The following COL11A2 variants were observed in gnomAD, a reference collection of about 807,000 sequenced individuals.
COL11A2 encodes the protein collagen type XI alpha 2 chain.
Under a neutral mutation model 273.4 loss-of-function variants are expected in COL11A2, and 116 were observed. The observed-to-expected ratio is 0.42, with a 90% CI of 0.36 to 0.49. The LOEUF (loss-of-function observed/expected upper bound fraction) is 0.49, where lower values mean the gene tolerates loss of function less well. Ranked by LOEUF, COL11A2 falls within the 20% of genes least tolerant of loss-of-function variation. The pLI, the probability that COL11A2 is intolerant of heterozygous loss-of-function variation, is 0.00. For missense variants in COL11A2, 1,866 were observed against 2,309.0 expected (o/e 0.81, Z 3.93); for synonymous variants, 782 against 864.2 (o/e 0.90, Z 1.67).
intron 53 of COL11A2, 30 bp downstream of exon 53, chr6:33,168,675 CA>C: frequency 1.3e-6 from 2 of 1,590,264 alleles, no homozygotes; most frequent in African/African-American, 1.3e-5. Context: ...GGCTTGGGCT[CA>C]GGGGGGTGGT....
Position 33,190,025 on chromosome 6 carries a change from G to C in COL11A2, c.83-556C>G, listed in dbSNP as rs1772927743. ...GATCATCCTGGACACAGGAGGTGCAGGGGGGCCACGAGGAAGAGATCAGAG... is the reference window on the plus strand; with the variant it reads ...GATCATCCTGGACACAGGAGGTGCACGGGGGCCACGAGGAAGAGATCAGAG... On this transcript the variant is annotated intron_variant, in intron 1 of 65. Transcript: ENST00000341947. The surrounding 1 kb of genome is among the most constrained non-coding windows in gnomAD (Gnocchi z 4.5). Among the ~76,000 whole-genome samples, 1 of 152,178 alleles carries C rather than the reference G, an allele frequency of 6.6e-6. No individual in the cohort carries two copies. Among genetic ancestry groups the C allele is most frequent in the African/African-American group, 2.4e-5 (1 of 41,434 alleles).
chr6:33,173,771 G>C lies in COL11A2; in HGVS notation c.2584-26C>G, dbSNP rs765644840. ...CTGTGGGGGGAAACAGAGTCAAGGA[G>C]TGGGAAGAGCTGCTTTCCAGCTGTC... On this transcript the variant is annotated intron_variant, in intron 34 of 65. Transcript: ENST00000341947. The surrounding 1 kb of genome is among the most constrained non-coding windows in gnomAD (Gnocchi z 6.3). 7 of 1,605,662 alleles carry C rather than the reference G, an allele frequency of 4.4e-6. No homozygotes were observed. In the South Asian group the frequency reaches 6.6e-5, roughly 15 times the overall value.
At position 33,189,855 on chromosome 6, in the gene COL11A2, G is replaced by A. The variant is rs1286724573; in HGVS notation, c.83-386C>T. Among the ~76,000 whole-genome samples, 1 of 151,962 alleles carries A rather than the reference G, an allele frequency of 6.6e-6. No homozygotes were observed. The highest frequency in any genetic ancestry group is 2.4e-5 in the African/African-American group (1 of 41,330). On this transcript the variant is annotated intron_variant, in intron 1 of 65. Coordinates refer to ENST00000341947, the MANE Select transcript of COL11A2 (RefSeq NM_080680.3). This position sits in a 1 kb window ranked among gnomAD's most constrained non-coding sequence, Gnocchi z 5.6. ...TCTGTCTCTTTATGTTGGTCTTTCTGTCTCTGTCTCTTCTGTCTTCCTCCA... is the reference window on the plus strand; with the variant it reads ...TCTGTCTCTTTATGTTGGTCTTTCTATCTCTGTCTCTTCTGTCTTCCTCCA...
chr6:33,175,763 C>A lies in COL11A2; in HGVS notation c.2269-82G>T, dbSNP rs866999331. ...AGAGGAGAAATGGGCAACAGTGAGG[C>A]TGAGGAGGGCTAGAGGGGTCCCAGG... is the stretch of plus-strand genomic sequence containing the variant. On this transcript the variant is annotated intron_variant, in intron 29 of 65. Transcript: ENST00000341947. The A allele has an allele frequency of 2.2e-6, 3 of 1,365,310 alleles. No homozygotes were observed. The African/African-American group carries it at 4.3e-5, about 19-fold the overall frequency. The allele number at this position is 1,365,310 out of a possible 1,614,324, so 84.6% of individuals were successfully genotyped here. A position where few individuals can be genotyped will look rare whatever the true frequency, so the allele number is the denominator to read the frequency against.
At chr6:33,193,025 C>G (rs371060631), upstream of COL11A2, among the ~76,000 whole-genome samples, 5 of 152,054 alleles carry the variant, frequency 3.3e-5, no homozygotes, top group Non-Finnish European at 5.9e-5. Flanking sequence ...TGGGACCCAC[C>G]GACAAACACA....
rs1366893209 is a variant in COL11A2 at position 33,192,204 on chromosome 6, G to A, written c.37C>T (p.Leu13Phe). The A allele has an allele frequency of 5.1e-6, 8 of 1,566,540 alleles. No homozygotes were observed. Among genetic ancestry groups the A allele is most frequent in the Non-Finnish European group, 6.9e-6 (8 of 1,155,700 alleles). Reference protein sequence around the residue: ...RCSRCHRLLLLLPLVLGLSAA... With the variant: ...RCSRCHRLLLFLPLVLGLSAA... Reference sequence around the variant, plus strand: ...CTCAGCCCCAGCACCAGAGGTAGGAGGAGGAGGAGGCGATGGCAGCGGCTG... The same window carrying A: ...CTCAGCCCCAGCACCAGAGGTAGGAAGAGGAGGAGGCGATGGCAGCGGCTG... The change falls in exon 1 of 66, where the codon CTC becomes TTC. Residue 13 changes from leucine to phenylalanine, a missense_variant. By Grantham distance (22) the Leu-to-Phe change is conservative (BLOSUM62 0). Coordinates refer to ENST00000341947, the MANE Select transcript of COL11A2 (RefSeq NM_080680.3).
Position 33,179,313 on chromosome 6 carries a change from AG to A in COL11A2, c.1504-30del. On this transcript the variant is annotated intron_variant, in intron 14 of 65. Coordinates refer to ENST00000341947, the MANE Select transcript of COL11A2 (RefSeq NM_080680.3). This position sits in a 1 kb window ranked among gnomAD's most constrained non-coding sequence, Gnocchi z 6.4. ...GGAGAGAGAAGAGAGGATGGCCGTA[AG>A]GAAGGACACAGCCAACAGTGGCCTC... is the stretch of plus-strand genomic sequence containing the variant. The A allele has an allele frequency of 6.2e-7, 1 of 1,603,268 alleles. No homozygotes were observed. Among genetic ancestry groups the A allele is most frequent in the Non-Finnish European group, 8.5e-7 (1 of 1,175,988 alleles).
Position 33,164,346 on chromosome 6 carries a change from A to G in COL11A2, c.4991T>C (p.Leu1664Pro), listed in dbSNP as rs935573544. The G allele has an allele frequency of 1.6e-5, 26 of 1,612,710 alleles. No individual in the cohort carries two copies. The highest frequency in any genetic ancestry group is 2.2e-5 in the Non-Finnish European group (26 of 1,179,932). Residue 1664 changes from leucine to proline, a missense_variant, in exon 65 of 66, where the codon CTG (leucine) becomes CCG (proline). Coordinates refer to ENST00000341947, the MANE Select transcript of COL11A2 (RefSeq NM_080680.3). This position sits in a 1 kb window ranked among gnomAD's most constrained non-coding sequence, Gnocchi z 4.7. ...ATCCTCATTGGCCCCACGGAGTCTC[A>G]GGGGACCGTCACGGGCTGCTCCAGA... Reference protein sequence around the residue: ...PCSGAARDGPLRLRGANEDEL... With the variant: ...PCSGAARDGPPRLRGANEDEL...
At chr6:33,175,983 C>T (rs141252722) in intron 29 of COL11A2, 33 bp downstream of exon 29, 175 of 1,612,270 alleles carry the variant, frequency 1.1e-4, no homozygotes, top group African/African-American at 2.1e-4. Context: ...CAGTAGAACA[C>T]GGAATTGGGG....
intron 38 of COL11A2, 131 bp from the exon 39 acceptor site, chr6:33,172,768 TC>T: frequency 1.2e-6 from 1 of 856,578 alleles, no homozygotes. Flanking sequence ...CCTGGGAAAT[TC>T]CCCGGCATTC....
chr6:33,188,233 G>C (rs1170138161), intron 4 of COL11A2, 129 bp downstream of exon 4: 1 of 1,144,040 alleles, frequency 8.7e-7, no homozygotes, highest in Non-Finnish European at 1.3e-6. Context: ...ATAGAAAATA[G>C]AAATGAAAAT....
In COL11A2 at chr6:33,169,765, A is replaced by G. The variant is rs1001957820; in HGVS notation, c.3690+66T>C. The G allele has an allele frequency of 1.1e-5, 18 of 1,597,260 alleles. No individual in the cohort carries two copies. In the African/African-American group the frequency reaches 1.7e-4, roughly 15 times the overall value. ...GTTCCAGCTCAAGGAGGTCACAGGA[A>G]AAGTGGAGGCAGGGTTGAGGCGGGT... On this transcript the variant is annotated intron_variant, in intron 50 of 65. Coordinates refer to ENST00000341947, the MANE Select transcript of COL11A2 (RefSeq NM_080680.3). This position sits in a 1 kb window ranked among gnomAD's most constrained non-coding sequence, Gnocchi z 5.5.
chr6:33,163,503 G>C lies in COL11A2; in HGVS notation c.*175C>G. 1.1e-6 allele frequency: 1 copy of C among 879,962 alleles called. No homozygotes were observed. Among genetic ancestry groups the C allele is most frequent in the East Asian group, 2.6e-5 (1 of 38,404 alleles). The allele number at this position is 879,962 out of a possible 1,614,324, so 54.5% of individuals were successfully genotyped here. On this transcript the variant is annotated 3_prime_UTR_variant, in exon 66 of 66. Coordinates refer to ENST00000341947, the MANE Select transcript of COL11A2 (RefSeq NM_080680.3). The surrounding 1 kb of genome is among the most constrained non-coding windows in gnomAD (Gnocchi z 4.1). Reference sequence around the variant, plus strand: ...CCCCAGATGCCACTCCTCCCGTGGGGTGTCCAGGCAACCACTTCACCCCTC... The same window carrying C: ...CCCCAGATGCCACTCCTCCCGTGGGCTGTCCAGGCAACCACTTCACCCCTC...
chr6:33,185,346 G>A (rs543271499), intron 6 of COL11A2, among the ~76,000 whole-genome samples: 15 of 152,264 alleles, frequency 9.9e-5, no homozygotes, highest in African/African-American at 2.6e-4. Context: ...GCTGCCCTCC[G>A]AGCTGGGCAT....
intron 30 of COL11A2, 86 bp from the exon 31 acceptor site, chr6:33,174,666 G>A (rs750678878): frequency 1.1e-4 from 140 of 1,309,812 alleles, no homozygotes; most frequent in Non-Finnish European, 1.3e-4. Flanking sequence ...ACATATAACA[G>A]CCAGCCCCCA....
At position 33,168,729 on chromosome 6, in the gene COL11A2, C is replaced by A; in HGVS notation, c.3883G>T (p.Glu1295Ter). The change falls in exon 53 of 66, where the codon GAG (glutamate) becomes TAG (stop). Residue 1295 changes from glutamate to a stop codon, truncating the protein, a stop_gained. Transcript: ENST00000341947. LOFTEE classifies it high-confidence loss of function. ...ACAGGCTGTCCTGGCTCACCATCCT[C>A]GCCTCGGTCACCCTTAGCACCATCC... ...GQDGAKGDRG[E>*]DGEPGQPGSP... 1 of 1,594,376 alleles carries A rather than the reference C, an allele frequency of 6.3e-7. No homozygotes were observed. The highest frequency in any genetic ancestry group is 8.5e-7 in the Non-Finnish European group (1 of 1,170,244).
At position 33,165,392 on chromosome 6, in the gene COL11A2, A is replaced by T. The variant is rs1768966866; in HGVS notation, c.4750+157T>A. 6.6e-6 allele frequency among the ~76,000 whole-genome samples: 1 copy of T among 152,076 alleles called. No individual in the cohort carries two copies. Among genetic ancestry groups the T allele is most frequent in the Non-Finnish European group, 1.5e-5 (1 of 68,000 alleles). ...CCAGATCAGTTGCTAAAGTATTGGG[A>T]TACTTCTGACCTGGTTAGTAAATAG... is the stretch of plus-strand genomic sequence containing the variant. On this transcript the variant is annotated intron_variant, in intron 63 of 65. Transcript: ENST00000341947. This position sits in a 1 kb window ranked among gnomAD's most constrained non-coding sequence, Gnocchi z 7.7.
At chr6:33,180,183 A>T in intron 12 of COL11A2, 75 bp downstream of exon 12, 3 of 1,409,412 alleles carry the variant, frequency 2.1e-6, no homozygotes, top group Non-Finnish European at 3.0e-6. Flanking sequence ...TTTCCTGCCC[A>T]TCTGGTTCTT....
At chr6:33,185,229 G>A (rs1028203079) in intron 6 of COL11A2, among the ~76,000 whole-genome samples, 175 bp from the exon 7 acceptor site, 18 of 152,300 alleles carry the variant, frequency 1.2e-4, no homozygotes, top group African/African-American at 4.3e-4. Context: ...TGGGGAGAGT[G>A]AACCTCCAAG....
Sources: gnomAD v4.1 joint callset for allele counts (sites outside exome capture counted in the v4.1 genomes callset) on GRCh38, gnomAD v4.1.1 for gene constraint, Gnocchi (gnomAD v3.1) non-coding constraint, MANE v1.5 for transcripts, NCBI Gene and HGNC (gene_info 2026-07-23, HGNC 2026-07-21) for gene names.